The following ALX1 variants were observed in gnomAD, a reference collection of about 807,000 sequenced individuals.
ALX1 encodes the protein ALX homeobox 1, also known as ALX homeobox protein 1.
A neutral mutation model predicts 31.7 loss-of-function variants in ALX1; 19 were observed. The observed-to-expected ratio is 0.60, with a 90% CI of 0.42 to 0.88. ALX1 has a LOEUF of 0.88. Among genes scored for constraint, ALX1 ranks in the 40% least tolerant of loss-of-function variants. ALX1 has a pLI of 0.00. For missense variants in ALX1, 415 were observed against 407.8 expected (o/e 1.02, Z -0.15); for synonymous variants, 153 against 148.8 (o/e 1.03, Z -0.20).
At chr12:85,286,827 A>C (rs751238742) in intron 2 of ALX1, 26 bp from the exon 3 acceptor site, 1 of 1,541,592 alleles carries the variant, frequency 6.5e-7, no homozygotes, top group Admixed American at 1.9e-5. Flanking sequence ...CCTTAGCTAA[A>C]ATTCTAATTT....
chr12:85,292,371 GT>G (rs1377536380), intron 3 of ALX1, among the ~76,000 whole-genome samples: 5 of 151,042 alleles, frequency 3.3e-5, no homozygotes, highest in Non-Finnish European at 5.9e-5. Flanking sequence ...AAGAATTGAA[GT>G]GCTTTTCCCA....
At chr12:85,292,653 A>G (rs907040404) in intron 3 of ALX1, among the ~76,000 whole-genome samples, 13 of 151,108 alleles carry the variant, frequency 8.6e-5, no homozygotes, top group African/African-American at 2.7e-4. Context: ...TTGTAATTAT[A>G]CAATTAAAAA....
intron 3 of ALX1, among the ~76,000 whole-genome samples, chr12:85,300,058 C>A (rs529539956): frequency 1.3e-5 from 2 of 152,040 alleles, no homozygotes; most frequent in South Asian, 2.1e-4. Context: ...CTATCCCATG[C>A]AACATTTTCT....
chr12:85,286,767 A>G, intron 2 of ALX1, 86 bp from the exon 3 acceptor site: 1 of 1,248,660 alleles, frequency 8.0e-7, no homozygotes, highest in South Asian at 1.4e-5. Context: ...AACCTGGTTT[A>G]CCTTTCTTGT....
In ALX1 at chr12:85,297,322, A is replaced by T. The variant is rs559028861; in HGVS notation, c.661-3833A>T. 2.0e-5 allele frequency among the ~76,000 whole-genome samples: 3 copies of T among 151,850 alleles called. No homozygotes were observed. The South Asian group carries it at 6.2e-4, about 32-fold the overall frequency. On this transcript the variant is annotated intron_variant, in intron 3 of 3. Transcript: ENST00000316824. ...ATTGATAAGCTCAGACATATCCAGA[A>T]TAACATGATCTGAATGATACAGTGT...
chr12:85,301,226 C>T lies in ALX1; in HGVS notation c.732C>T (p.Asp244=). The change falls in exon 4 of 4, where the codon GAC becomes GAT. Residue 244 remains aspartate (D), a synonymous_variant. Transcript: ENST00000316824. The part of the protein sequence containing the change: ...SVVTSCMLPR[D]TSSCMTPYSH... ...TTACTTCATGCATGTTACCACGTGA[C>T]ACTTCCTCCTGTATGACACCTTATT... 6.2e-7 allele frequency: 1 copy of T among 1,613,974 alleles called. No individual in the cohort carries two copies. The highest frequency in any genetic ancestry group is 8.5e-7 in the Non-Finnish European group (1 of 1,179,924).
chr12:85,293,781 T>C lies in ALX1; in HGVS notation c.660+6800T>C, dbSNP rs1896849333. ...AGATGGAGAAATAACAGGCAGAAAA[T>C]TAAGCCATCAAAGCCCAGGAAGTCT... On this transcript the variant is annotated intron_variant, in intron 3 of 3. Transcript: ENST00000316824. Among the ~76,000 whole-genome samples the C allele has an allele frequency of 2.6e-5, 4 of 151,048 alleles. No homozygotes were observed. In the Admixed American group the frequency reaches 2.7e-4, roughly 10 times the overall value.
intron 3 of ALX1, among the ~76,000 whole-genome samples, chr12:85,295,502 G>T (rs1056296210): frequency 1.3e-4 from 20 of 151,452 alleles, no homozygotes; most frequent in Non-Finnish European, 2.1e-4. Context: ...CATTTATATA[G>T]TATTAAATGA....
chr12:85,280,314 G>C lies in ALX1; in HGVS notation c.53G>C (p.Ser18Thr). Residue 18 changes from serine (S) to threonine (T), a missense_variant, in exon 1 of 4, where the codon AGT becomes ACT. Ser to Thr is a moderately conservative substitution (Grantham distance 58). Coordinates refer to ENST00000316824, the MANE Select transcript of ALX1 (RefSeq NM_006982.3). ...CTCAAGAGCCCTCCGAGTAAAAACA[G>C]TGACTTTTACATGGGCGCAGGAGGT... ...FALKSPPSKN[S>T]DFYMGAGGPL... is the part of the protein sequence containing the mutation. 1.2e-6 allele frequency: 2 copies of C among 1,613,838 alleles called. No individual in the cohort carries two copies. The highest frequency in any genetic ancestry group is 1.7e-6 in the Non-Finnish European group (2 of 1,180,028).
intron 3 of ALX1, among the ~76,000 whole-genome samples, chr12:85,297,406 A>T (rs1565943579): frequency 6.6e-6 from 1 of 151,712 alleles, no homozygotes; most frequent in Non-Finnish European, 1.5e-5. Context: ...ACCTGGAGAA[A>T]AAGGATTTGG....
At chr12:85,294,948 GTACTT>G (rs1313186142) in intron 3 of ALX1, among the ~76,000 whole-genome samples, 1 of 151,088 alleles carries the variant, frequency 6.6e-6, no homozygotes, top group African/African-American at 2.4e-5. Flanking sequence ...TATTGGAAAA[GTACTT>G]TAAGAATGTT....
intron 1 of ALX1, among the ~76,000 whole-genome samples, chr12:85,282,210 T>G (rs929953023): frequency 3.3e-5 from 5 of 152,128 alleles, no homozygotes; most frequent in African/African-American, 1.2e-4. Context: ...CATCACATCT[T>G]CGTTTGCATG....
At chr12:85,280,591 C>A (rs1057301365) in intron 1 of ALX1, 104 bp downstream of exon 1, 9 of 1,269,690 alleles carry the variant, frequency 7.1e-6, no homozygotes, top group Non-Finnish European at 1.0e-5. Flanking sequence ...AAAGTGGGAG[C>A]GAGGGACCTG....
At chr12:85,283,130 G>A (rs1896700656) in intron 1 of ALX1, among the ~76,000 whole-genome samples, 1 of 152,110 alleles carries the variant, frequency 6.6e-6, no homozygotes, top group Non-Finnish European at 1.5e-5. Context: ...TAGTACAGAG[G>A]TATTATTTAA....
rs780196140 is a variant in ALX1 at position 85,280,220 on chromosome 12, A to G, written c.-42A>G. On this transcript the variant is annotated 5_prime_UTR_variant, in exon 1 of 4. Transcript: ENST00000316824. ...CTGGCTCCCTCCCCCAGCGCTCTCC[A>G]GTTTCTGTGCCCCAGGAGCTACGCG... 2.1e-6 allele frequency: 3 copies of G among 1,438,222 alleles called. No homozygotes were observed. The highest frequency in any genetic ancestry group is 2.8e-5 in the East Asian group (1 of 35,662). The allele number at this position is 1,438,222 out of a possible 1,614,324, so 89.1% of individuals were successfully genotyped here.
rs1395545389 is a variant in ALX1 at position 85,301,372 on chromosome 12, A to C, written c.878A>C (p.His293Pro). The change falls in exon 4 of 4, where the codon CAT becomes CCT. Residue 293 changes from histidine to proline, a missense_variant. Coordinates refer to ENST00000316824, the MANE Select transcript of ALX1 (RefSeq NM_006982.3). The stretch of plus-strand genomic sequence containing the variant: ...CTTCTTACTGGGGCAACCAATGGAC[A>C]TGCATTTGAAACAAAGCCAGAGTTT... ...DSLLTGATNGHAFETKPEFER... is the reference protein window; with the variant it reads ...DSLLTGATNGPAFETKPEFER... 3 of 1,614,088 alleles carry C rather than the reference A, an allele frequency of 1.9e-6. No homozygotes were observed. Among genetic ancestry groups the C allele is most frequent in the Admixed American group, 1.7e-5 (1 of 59,986 alleles).
chr12:85,290,994 A>G (rs1382854014), intron 3 of ALX1, among the ~76,000 whole-genome samples: 1 of 151,234 alleles, frequency 6.6e-6, no homozygotes, highest in Non-Finnish European at 1.5e-5. Flanking sequence ...CAAATTATAT[A>G]GACATTGGAT....
At chr12:85,294,561 T>C (rs1896861597) in intron 3 of ALX1, among the ~76,000 whole-genome samples, 1 of 151,198 alleles carries the variant, frequency 6.6e-6, no homozygotes, top group Admixed American at 6.6e-5. Flanking sequence ...TTCTTTATGT[T>C]CTTATATCTT....
At chr12:85,291,960 C>T (rs1004512163) in intron 3 of ALX1, among the ~76,000 whole-genome samples, 1 of 151,040 alleles carries the variant, frequency 6.6e-6, no homozygotes, top group African/African-American at 2.4e-5. Flanking sequence ...CCATGAGGAA[C>T]AGTTCTTTTC....
Sources: allele counts gnomAD v4.1 joint callset (sites outside exome capture counted in the v4.1 genomes callset), GRCh38; gene constraint gnomAD v4.1.1; transcripts MANE v1.5; gene names NCBI Gene and HGNC (gene_info 2026-07-23, HGNC 2026-07-21).